Variants in NALCN observed in about 807,000 individuals in gnomAD.
NALCN encodes the protein sodium leak channel, non-selective, also known as sodium leak channel NALCN.
In NALCN, 111 loss-of-function variants were observed where a neutral mutation model predicts 225.3. The ratio of observed to expected loss-of-function variants is 0.49; its 90% confidence interval spans 0.42 to 0.58. The LOEUF (loss-of-function observed/expected upper bound fraction) is 0.58. Ranked by LOEUF, NALCN falls within the 20% of genes least tolerant of loss-of-function variation. NALCN has a pLI of 0.00. For missense variants in NALCN, 1,378 were observed against 2,202.4 expected (o/e 0.63, Z 7.49); for synonymous variants, 764 against 769.0 (o/e 0.99, Z 0.11).
chr13:101,114,216 T>G (rs527507035), intron 18 of NALCN, among the ~76,000 whole-genome samples: 8 of 152,230 alleles, frequency 5.3e-5, no homozygotes, highest in Non-Finnish European at 8.8e-5. Context: ...GTGCTTTCTC[T>G]AAGCCTCCAT....
At chr13:101,215,698 ATTAAT>A (rs1280771725) in intron 13 of NALCN, among the ~76,000 whole-genome samples, 78 of 150,200 alleles carry the variant, frequency 5.2e-4, no homozygotes, top group African/African-American at 1.8e-3. Flanking sequence ...TTTCCTATTT[ATTAAT>A]TTATTTATTA....
intron 10 of NALCN, among the ~76,000 whole-genome samples, chr13:101,282,880 G>A (rs1478764497): frequency 2.6e-5 from 4 of 152,194 alleles, no homozygotes; most frequent in Admixed American, 2.6e-4. Context: ...CACAGTAATG[G>A]CTCAGAGTAC....
At chr13:101,075,157 A>G (rs564679360) in intron 35 of NALCN, among the ~76,000 whole-genome samples, 1 of 152,350 alleles carries the variant, frequency 6.6e-6, no homozygotes, top group East Asian at 1.9e-4. Context: ...TATATGAAAT[A>G]ACGTTTGTAA....
At chr13:101,226,998 C>T (rs988392400) in intron 13 of NALCN, among the ~76,000 whole-genome samples, 2 of 152,184 alleles carry the variant, frequency 1.3e-5, no homozygotes, top group African/African-American at 4.8e-5. Context: ...GCCCTCCCTC[C>T]CCCATGCCTG....
At chr13:101,152,592 GA>G (rs528518997) in intron 15 of NALCN, among the ~76,000 whole-genome samples, 61 of 147,640 alleles carry the variant, frequency 4.1e-4, no homozygotes, top group Admixed American at 1.1e-3. Flanking sequence ...ATTAGTAAAA[GA>G]AAAAAAAAAC....
At chr13:101,312,850 C>A (rs2390619) in intron 7 of NALCN, among the ~76,000 whole-genome samples, 61,861 of 151,906 alleles carry the variant, frequency 0.41, 12,969 homozygotes, top group Middle Eastern at 0.47. Context: ...TCATATGGAA[C>A]CAAAAAAGAG....
chr13:101,336,078 GAT>G (rs779157025), intron 7 of NALCN, among the ~76,000 whole-genome samples: 9 of 152,018 alleles, frequency 5.9e-5, no homozygotes, highest in Non-Finnish European at 1.3e-4. Context: ...AATAGAAAAA[GAT>G]ATAGAAAGTT....
intron 3 of NALCN, among the ~76,000 whole-genome samples, chr13:101,384,827 A>C (rs1274894240): frequency 6.6e-6 from 1 of 152,218 alleles, no homozygotes; most frequent in African/African-American, 2.4e-5. Flanking sequence ...AGGAGTGGGA[A>C]TTGATGGGCA....
At position 101,289,525 on chromosome 13, in the gene NALCN, C is replaced by CATATATAT. The variant is rs10549837; in HGVS notation, c.1047+2457_1047+2464dup. On this transcript the variant is annotated intron_variant, in intron 9 of 43. Coordinates refer to ENST00000251127, the MANE Select transcript of NALCN (RefSeq NM_052867.4). ...GCCCCTTCTTTGTTCTGAAAATGTG[C>CATATATAT]ATATATATATATATATATATATATA... Among the ~76,000 whole-genome samples, 1,145 of 140,844 alleles carry CATATATAT rather than the reference C, an allele frequency of 8.1e-3. 7 individuals are homozygous for CATATATAT. Among genetic ancestry groups the CATATATAT allele is most frequent in the African/African-American group, 0.012 (454 of 38,418 alleles). The allele number at this position is 140,844 out of a possible 152,430, so 92.4% of individuals were successfully genotyped here. A position where few individuals can be genotyped will look rare whatever the true frequency, so the allele number is the denominator to read the frequency against.
chr13:101,227,946 G>A (rs1360137136), intron 13 of NALCN, among the ~76,000 whole-genome samples: 2 of 152,146 alleles, frequency 1.3e-5, no homozygotes, highest in African/African-American at 2.4e-5. Context: ...CCAGCCATTG[G>A]AGTCACCTGT....
intron 7 of NALCN, among the ~76,000 whole-genome samples, chr13:101,312,815 G>C (rs2044397848): frequency 2.0e-5 from 3 of 152,002 alleles, no homozygotes; most frequent in Non-Finnish European, 2.9e-5. Flanking sequence ...TTTCTTCACA[G>C]AACTGGAAAA....
chr13:101,342,649 G>A (rs936435194), intron 7 of NALCN, among the ~76,000 whole-genome samples: 3 of 152,132 alleles, frequency 2.0e-5, no homozygotes, highest in African/African-American at 7.2e-5. Flanking sequence ...TCTGTTAGAT[G>A]CCCAGTCCTG....
At chr13:101,369,936 CTTTG>C (rs2046490747) in intron 6 of NALCN, among the ~76,000 whole-genome samples, 1 of 152,102 alleles carries the variant, frequency 6.6e-6, no homozygotes, top group African/African-American at 2.4e-5. Context: ...TCTGCTTAAA[CTTTG>C]TTTTTCTATT....
intron 11 of NALCN, among the ~76,000 whole-genome samples, chr13:101,242,798 A>T (rs2041793059): frequency 9.4e-6 from 1 of 106,216 alleles, no homozygotes; most frequent in Non-Finnish European, 2.1e-5. Flanking sequence ...ATGCATTTTT[A>T]ACACTGACAG....
At chr13:101,073,035 A>C (rs1238025859) in intron 37 of NALCN, among the ~76,000 whole-genome samples, 1 of 152,250 alleles carries the variant, frequency 6.6e-6, no homozygotes, top group African/African-American at 2.4e-5. Flanking sequence ...ATAGAGCAGC[A>C]TAAGAACATG....
At chr13:101,075,513 A>G (rs1348415338) in intron 35 of NALCN, among the ~76,000 whole-genome samples, 1 of 150,992 alleles carries the variant, frequency 6.6e-6, no homozygotes, top group Non-Finnish European at 1.5e-5. Flanking sequence ...ATTAAAGATT[A>G]TTTTTCTTTG....
intron 7 of NALCN, among the ~76,000 whole-genome samples, chr13:101,322,830 A>G (rs2044798476): frequency 6.6e-6 from 1 of 152,016 alleles, no homozygotes; most frequent in Non-Finnish European, 1.5e-5. Flanking sequence ...CTCCTACCTC[A>G]GCCTCCCAAG....
Position 101,162,962 on chromosome 13 carries a change from C to T in NALCN, c.1839+13338G>A, listed in dbSNP as rs566387142. 1.2e-4 allele frequency among the ~76,000 whole-genome samples: 18 copies of T among 152,184 alleles called. No homozygotes were observed. In the South Asian group the frequency reaches 2.3e-3, roughly 19 times the overall value. Reference sequence around the variant, plus strand: ...TCTTGTTGAGATGGAGATTCGCAGACGCGATCTCAGCTCACTGCAACCTCT... The same window carrying T: ...TCTTGTTGAGATGGAGATTCGCAGATGCGATCTCAGCTCACTGCAACCTCT... On this transcript the variant is annotated intron_variant, in intron 15 of 43. Transcript: ENST00000251127.
intron 22 of NALCN, 105 bp from the exon 23 acceptor site, chr13:101,105,055 G>A (rs1482474082): frequency 1.1e-6 from 1 of 939,984 alleles, no homozygotes; most frequent in East Asian, 2.5e-5. Flanking sequence ...CTCTTTTACA[G>A]CCTCTCTACA....
Sources: allele counts gnomAD v4.1 joint callset (sites outside exome capture counted in the v4.1 genomes callset), GRCh38; gene constraint gnomAD v4.1.1; transcripts MANE v1.5; gene names NCBI Gene and HGNC (gene_info 2026-07-23, HGNC 2026-07-21).